Variants in INPP5D observed in about 807,000 individuals in gnomAD.
INPP5D encodes inositol polyphosphate-5-phosphatase D.
In INPP5D, 33 loss-of-function variants were observed where a neutral mutation model predicts 122.9. The ratio of observed to expected loss-of-function variants is 0.27; its 90% CI spans 0.20 to 0.36. The LOEUF (loss-of-function observed/expected upper bound fraction) is 0.36, where lower values mean the gene tolerates loss of function less well. Among genes scored for constraint, INPP5D ranks in the 10% least tolerant of loss-of-function variants. The pLI, the probability that INPP5D is intolerant of heterozygous loss-of-function variation, is 1.00. For synonymous variants in INPP5D, 584 were observed against 576.2 expected (o/e 1.01, Z -0.19); for missense variants, 1,053 against 1,412.7 (o/e 0.75, Z 4.08).
intron 1 of INPP5D, among the ~76,000 whole-genome samples, chr2:233,075,757 G>A (rs1375099012): frequency 6.6e-6 from 1 of 152,114 alleles, no homozygotes; most frequent in Non-Finnish European, 1.5e-5. Context: ...GTGTGTGGCG[G>A]GGCTGATGGG....
In INPP5D at chr2:233,206,983, C is replaced by T. The variant is rs1057258; in HGVS notation, c.*275C>T. 0.25 allele frequency: 107,535 copies of T among 434,028 alleles called. 16,597 individuals carry two copies. The highest frequency in any genetic ancestry group is 0.54 in the African/African-American group (26,473 of 49,170). The allele number at this position is 434,028 out of a possible 1,614,324, so 26.9% of individuals were successfully genotyped here. ...CTTGGTACTTGGGACCCCAGTGCCTCGTTGAGGGCGCCATTCTGAAGAAAG... is the reference window on the plus strand; with the variant it reads ...CTTGGTACTTGGGACCCCAGTGCCTTGTTGAGGGCGCCATTCTGAAGAAAG... On this transcript the variant is annotated 3_prime_UTR_variant, in exon 27 of 27. Coordinates refer to ENST00000445964, the MANE Select transcript of INPP5D (RefSeq NM_001017915.3). This position sits in a 1 kb window ranked among gnomAD's most constrained non-coding sequence, Gnocchi z 4.0.
rs936862217 is a variant in INPP5D at position 233,179,573 on chromosome 2, G to C, written c.2071+2227G>C. On this transcript the variant is annotated intron_variant, in intron 18 of 26. Coordinates refer to ENST00000445964, the MANE Select transcript of INPP5D (RefSeq NM_001017915.3). ...CCCTTTGCCCCCACCTCCGGGCCCGGAATATGAGGGTTGGGGAGGAAAACA... is the reference window on the plus strand; with the variant it reads ...CCCTTTGCCCCCACCTCCGGGCCCGCAATATGAGGGTTGGGGAGGAAAACA... Among the ~76,000 whole-genome samples, 5 of 152,348 alleles carry C rather than the reference G, an allele frequency of 3.3e-5. No individual in the cohort carries two copies. In the East Asian group the frequency reaches 9.6e-4, roughly 29 times the overall value.
intron 19 of INPP5D, among the ~76,000 whole-genome samples, chr2:233,182,817 G>T (rs193058948): frequency 6.6e-6 from 1 of 151,906 alleles, no homozygotes. Flanking sequence ...GAGGGGGCGG[G>T]GGACATGAAT....
Position 233,171,056 on chromosome 2 carries a change from T to C in INPP5D, c.1901-8T>C. On this transcript the variant is annotated splice_polypyrimidine_tract_variant and splice_region_variant and intron_variant, in intron 16 of 26. Transcript: ENST00000445964. ...ATCAGAATTAAAACGAAAGTCTCTC[T>C]GTTTCAGAGGAGGAAGAAATCACGT... 6.2e-7 allele frequency: 1 copy of C among 1,613,732 alleles called. No homozygotes were observed. The highest frequency in any genetic ancestry group is 8.5e-7 in the Non-Finnish European group (1 of 1,179,830).
intron 17 of INPP5D, among the ~76,000 whole-genome samples, chr2:233,172,204 G>A (rs1694507926): frequency 1.3e-5 from 2 of 152,242 alleles, no homozygotes; most frequent in African/African-American, 4.8e-5. Context: ...GCAGGTCCTT[G>A]GGGATCCCTG....
At chr2:233,064,691 C>T (rs930889048) in intron 1 of INPP5D, among the ~76,000 whole-genome samples, 2 of 152,084 alleles carry the variant, frequency 1.3e-5, no homozygotes, top group East Asian at 1.9e-4. Flanking sequence ...TTCCTGGAAG[C>T]GAGAAACAGA....
At chr2:233,126,379 T>C (rs1693157993) in intron 4 of INPP5D, among the ~76,000 whole-genome samples, 1 of 152,202 alleles carries the variant, frequency 6.6e-6, no homozygotes, top group Admixed American at 6.5e-5. Flanking sequence ...GCCCTCCTCC[T>C]ACTCTCTCAC....
In INPP5D at chr2:233,078,998, G is replaced by C. The variant is rs35350746; in HGVS notation, c.135-337G>C. ...GCCTGGCCTGCAAGCACCCACTCTT[G>C]CTCTATCTTCTTGGCAGCCGAGAGG... On this transcript the variant is annotated intron_variant, in intron 1 of 26. Transcript: ENST00000445964. The surrounding 1 kb of genome is among the most constrained non-coding windows in gnomAD (Gnocchi z 4.6). Among the ~76,000 whole-genome samples, 46,910 of 151,962 alleles carry C rather than the reference G, an allele frequency of 0.31. 9,565 individuals are homozygous for C. The highest frequency in any genetic ancestry group is 0.45 in the Non-Finnish European group (30,309 of 67,940).
At chr2:233,165,396 T>C (rs1161885081) in intron 13 of INPP5D, among the ~76,000 whole-genome samples, 1 of 150,898 alleles carries the variant, frequency 6.6e-6, no homozygotes, top group African/African-American at 2.4e-5. Context: ...TTGTGTGTGT[T>C]TATGTGAGTC....
rs1019322908 is a variant in INPP5D at position 233,103,340 on chromosome 2, T to G, written c.199-18767T>G. On this transcript the variant is annotated intron_variant, in intron 2 of 26. Coordinates refer to ENST00000445964, the MANE Select transcript of INPP5D (RefSeq NM_001017915.3). ...TCATAGCATATGCTCATATTTAATT[T>G]GCCTAAATTGTACCTGATTATTCTC... is the stretch of plus-strand genomic sequence containing the variant. Among the ~76,000 whole-genome samples the G allele has an allele frequency of 5.9e-5, 9 of 152,224 alleles. 1 individual carries two copies. The highest frequency in any genetic ancestry group is 5.2e-4 in the Admixed American group (8 of 15,290).
At chr2:233,133,003 C>T (rs1457811724) in intron 5 of INPP5D, among the ~76,000 whole-genome samples, 1 of 151,834 alleles carries the variant, frequency 6.6e-6, no homozygotes, top group Non-Finnish European at 1.5e-5. Flanking sequence ...AGCCTCCCAC[C>T]TCTCAGCCCC....
At position 233,198,372 on chromosome 2, in the gene INPP5D, T is replaced by A. The variant is rs1695240360; in HGVS notation, c.2971T>A (p.Ser991Thr). The change falls in exon 25 of 27, where the codon TCA becomes ACA. Residue 991 changes from serine to threonine, a missense_variant. Around this residue, in one of 6 missense-constraint regions of INPP5D, gnomAD observed 417 missense variants for 425.8 expected, o/e 0.98. Transcript: ENST00000445964. ...NRGLPPRTQE[S>T]RPSDLGKNAG... is the part of the protein sequence containing the mutation. ...GGGTCTCCCTCCCAGGACACAGGAG[T>A]CAAGGTGAGCATCCTCTTCATTAAG... is the stretch of plus-strand genomic sequence containing the variant. 2 of 1,608,184 alleles carry A rather than the reference T, an allele frequency of 1.2e-6. No individual in the cohort carries two copies. The highest frequency in any genetic ancestry group is 1.7e-6 in the Non-Finnish European group (2 of 1,175,626).
Position 233,164,032 on chromosome 2 carries a change from G to A in INPP5D, c.1437+129G>A. 7.0e-7 allele frequency: 1 copy of A among 1,438,790 alleles called. No individual in the cohort carries two copies. Among genetic ancestry groups the A allele is most frequent in the Non-Finnish European group, 9.2e-7 (1 of 1,091,074 alleles). The allele number at this position is 1,438,790 out of a possible 1,614,324, so 89.1% of individuals were successfully genotyped here. A position where few individuals can be genotyped will look rare whatever the true frequency, so the allele number is the denominator to read the frequency against. ...TCAAGGATGTCTGGAGGCCCCCACT[G>A]AGAGATGCGTCTGTATTCAGAAATA... On this transcript the variant is annotated intron_variant, in intron 12 of 26. Coordinates refer to ENST00000445964, the MANE Select transcript of INPP5D (RefSeq NM_001017915.3). This position sits in a 1 kb window ranked among gnomAD's most constrained non-coding sequence, Gnocchi z 4.3.
chr2:233,103,628 G>C (rs542700439), intron 2 of INPP5D, among the ~76,000 whole-genome samples: 62 of 152,080 alleles, frequency 4.1e-4, no homozygotes, highest in Non-Finnish European at 1.5e-5. Flanking sequence ...AAGTCACTTG[G>C]CCCTTCTGTA....
intron 25 of INPP5D, among the ~76,000 whole-genome samples, chr2:233,202,622 G>T (rs1180885720): frequency 6.6e-6 from 1 of 152,206 alleles, no homozygotes; most frequent in Non-Finnish European, 1.5e-5. Context: ...AGGCGCAACA[G>T]CCTCAACAGC....
chr2:233,193,874 C>G lies in INPP5D; in HGVS notation c.2509C>G (p.Leu837Val), dbSNP rs768753369. Residue 837 changes from leucine (L) to valine (V), a missense_variant, in exon 23 of 27, where the codon CTC becomes GTC. Coordinates refer to ENST00000445964, the MANE Select transcript of INPP5D (RefSeq NM_001017915.3). ...TETQLPIYTP[L>V]THHGELTGHF... ...AACGCAGCTGCCCATCTACACGCCT[C>G]TCACCCACCATGGGGAGTTGACAGG... 15 of 1,613,862 alleles carry G rather than the reference C, an allele frequency of 9.3e-6. No homozygotes were observed. Among genetic ancestry groups the G allele is most frequent in the Admixed American group, 1.7e-5 (1 of 59,994 alleles).
rs945350158 is a variant in INPP5D, at chr2:233,189,660, C to G, written c.2359-190C>G. Reference sequence around the variant, plus strand: ...GAGGTGAGGGGGACAGGGAAGGAAGCTAACCCCCACCTTGCTGGACAGGGT... The same window carrying G: ...GAGGTGAGGGGGACAGGGAAGGAAGGTAACCCCCACCTTGCTGGACAGGGT... On this transcript the variant is annotated intron_variant, in intron 21 of 26. Coordinates refer to ENST00000445964, the MANE Select transcript of INPP5D (RefSeq NM_001017915.3). This position sits in a 1 kb window ranked among gnomAD's most constrained non-coding sequence, Gnocchi z 5.6. Among the ~76,000 whole-genome samples the G allele has an allele frequency of 1.3e-5, 2 of 152,118 alleles. No individual in the cohort carries two copies. Among genetic ancestry groups the G allele is most frequent in the African/African-American group, 2.4e-5 (1 of 41,418 alleles).
At chr2:233,153,953 A>T (rs1250311285) in intron 9 of INPP5D, among the ~76,000 whole-genome samples, 1 of 152,164 alleles carries the variant, frequency 6.6e-6, no homozygotes, top group African/African-American at 2.4e-5. Flanking sequence ...TGATCAGCCC[A>T]GGGGCAAAGA....
rs937141954 is a variant in INPP5D at position 233,147,364 on chromosome 2, C to T, written c.907-107C>T. 7.7e-5 allele frequency: 50 copies of T among 651,588 alleles called. No individual in the cohort carries two copies. The Middle Eastern group carries it at 1.1e-3, about 14-fold the overall frequency. 40.4% of individuals were successfully genotyped at this position (651,588 alleles called of 1,614,324 possible). A position where few individuals can be genotyped will look rare whatever the true frequency, so the allele number is the denominator to read the frequency against. ...AGAAGCCCAGTGGCCCCACGAAGGA[C>T]GCACACCAGAGGTTGCCCAGCCATG... On this transcript the variant is annotated intron_variant, in intron 8 of 26. Coordinates refer to ENST00000445964, the MANE Select transcript of INPP5D (RefSeq NM_001017915.3).
Sources: gnomAD v4.1 joint callset for allele counts (sites outside exome capture counted in the v4.1 genomes callset) on GRCh38, gnomAD v4.1.1 for gene constraint, gnomAD v4.1.1 regional missense constraint, Gnocchi (gnomAD v3.1) non-coding constraint, MANE v1.5 for transcripts, NCBI Gene and HGNC (gene_info 2026-07-23, HGNC 2026-07-21) for gene names.